DDX23: variants seen among roughly 807,000 people sequenced by gnomAD.
The protein encoded by DDX23 is probable ATP-dependent RNA helicase DDX23.
Under a neutral mutation model 102.7 loss-of-function variants are expected in DDX23, and 33 were observed. The observed-to-expected ratio is 0.32, with a 90% CI of 0.24 to 0.43. The LOEUF (loss-of-function observed/expected upper bound fraction) is 0.43, where lower values mean the gene tolerates loss of function less well. Among genes scored for constraint, DDX23 ranks in the 20% least tolerant of loss-of-function variants. The probability of loss-of-function intolerance (pLI) is 1.00; values close to 1 mark genes in which losing one functional copy is unlikely to be tolerated. For synonymous variants in DDX23, 352 were observed against 376.0 expected (o/e 0.94, Z 0.74); for missense variants, 549 against 1,086.6 (o/e 0.51, Z 6.96).
chr12:48,837,931 G>A lies in DDX23; in HGVS notation c.619+11C>T. 1.2e-6 allele frequency: 2 copies of A among 1,612,344 alleles called. No individual in the cohort carries two copies. The highest frequency in any genetic ancestry group is 1.7e-6 in the Non-Finnish European group (2 of 1,180,004). On this transcript the variant is annotated intron_variant, in intron 6 of 16. Coordinates refer to ENST00000308025, the MANE Select transcript of DDX23 (RefSeq NM_004818.3). ...TTCCATCTAGGGGCTACACAGGGTA[G>A]AATAACAAACCCAACATCTTCCTGC...
rs779038366 is a variant in DDX23 at position 48,845,748 on chromosome 12, T to A, written c.35A>T (p.Asp12Val). 1 of 1,614,208 alleles carries A rather than the reference T, an allele frequency of 6.2e-7. No homozygotes were observed. The highest frequency in any genetic ancestry group is 1.7e-5 in the Admixed American group (1 of 60,024). The change falls in exon 2 of 17, where the codon GAT becomes GTT. Residue 12 changes from aspartate to valine, a missense_variant. By Grantham distance (152) the Asp-to-Val change is radical. Coordinates refer to ENST00000308025, the MANE Select transcript of DDX23 (RefSeq NM_004818.3). Reference protein sequence around the residue: ...AGELADKKDRDASPSKEERKR... With the variant: ...AGELADKKDRVASPSKEERKR... ...CCTTTCCTCCTTGGAAGGTGATGCA[T>A]CACGGTCCTTTTTGTCAGCCAGCTC...
intron 5 of DDX23, 101 bp from the exon 6 acceptor site, chr12:48,838,181 CA>C: frequency 6.5e-7 from 1 of 1,546,382 alleles, no homozygotes; most frequent in Non-Finnish European, 8.8e-7. Flanking sequence ...TTTGCTCAGG[CA>C]TTAAGCCTGT....
In DDX23 at chr12:48,845,663, TG is replaced by T; in HGVS notation, c.119del (p.Pro40HisfsTer135). ...AACGATGCCGCTTTCTATCTTTAGA[TG>T]GGGAAGACTTCCGGTCCCGGTCTCT... ...RDRDRDRKSS[P>X]SKDRKRHRSR... is the part of the protein sequence containing the mutation. On this transcript the variant is annotated frameshift_variant, in exon 2 of 17. Transcript: ENST00000308025. LOFTEE classifies it high-confidence loss of function. 1.2e-6 allele frequency: 2 copies of T among 1,614,236 alleles called. No homozygotes were observed. The highest frequency in any genetic ancestry group is 1.7e-6 in the Non-Finnish European group (2 of 1,180,040).
At chr12:48,831,640 G>A (rs1193446946) in intron 15 of DDX23, among the ~76,000 whole-genome samples, 7 of 152,122 alleles carry the variant, frequency 4.6e-5, no homozygotes, top group Non-Finnish European at 7.4e-5. Flanking sequence ...GGATCAAGAA[G>A]TTTAAGGAAG....
chr12:48,845,599 G>A lies in DDX23; in HGVS notation c.184C>T (p.Arg62Cys), dbSNP rs769587766. Residue 62 changes from arginine (R) to cysteine (C), a missense_variant, in exon 2 of 17, where the codon CGT (arginine) becomes TGT (cysteine). Physicochemically the swap from Arg to Cys is radical, Grantham distance 180. This residue lies in a region of DDX23 where 241 missense variants were observed against 267.0 expected (regional missense o/e 0.90). Coordinates refer to ENST00000308025, the MANE Select transcript of DDX23 (RefSeq NM_004818.3). Reference sequence around the variant, plus strand: ...CTTTCTGCAGATTTGGAACGGGAACGAGAGCGAGAACGGCTGCCTCCTCGA... The same window carrying A: ...CTTTCTGCAGATTTGGAACGGGAACAAGAGCGAGAACGGCTGCCTCCTCGA... ...RRRGGSRSRS[R>C]SRSKSAERER... The A allele has an allele frequency of 3.7e-5, 59 of 1,614,102 alleles. No individual in the cohort carries two copies. Among genetic ancestry groups the A allele is most frequent in the East Asian group, 8.9e-5 (4 of 44,902 alleles).
At chr12:48,848,654 G>A (rs1938708978) in intron 1 of DDX23, among the ~76,000 whole-genome samples, 2 of 152,262 alleles carry the variant, frequency 1.3e-5, no homozygotes, top group Middle Eastern at 3.4e-3. Context: ...GCACAATCAC[G>A]GCACACTGCA....
At chr12:48,845,452 CTG>C in intron 2 of DDX23, 120 bp downstream of exon 2, 1 of 1,138,888 alleles carries the variant, frequency 8.8e-7, no homozygotes, top group Non-Finnish European at 1.3e-6. Context: ...GAGCGAGACT[CTG>C]TCTCAAAAAA....
chr12:48,830,283 C>T lies in DDX23; in HGVS notation c.*186G>A, dbSNP rs1212196116. 4.0e-6 allele frequency: 3 copies of T among 749,168 alleles called. No individual in the cohort carries two copies. The highest frequency in any genetic ancestry group is 2.0e-5 in the Admixed American group (1 of 49,702). 46.4% of individuals were successfully genotyped at this position (749,168 alleles called of 1,614,324 possible). A position where few individuals can be genotyped will look rare whatever the true frequency, so the allele number is the denominator to read the frequency against. ...TTGCTCTCCCTGCCTCCGACAGCGT[C>T]GTCCTCTCCTTTTGCAGCCCCACAC... On this transcript the variant is annotated 3_prime_UTR_variant, in exon 17 of 17. Transcript: ENST00000308025. The surrounding 1 kb of genome is among the most constrained non-coding windows in gnomAD (Gnocchi z 4.9).
In DDX23 at chr12:48,832,143, T is replaced by C. The variant is rs1938398288; in HGVS notation, c.1999A>G (p.Ile667Val). 1.9e-6 allele frequency: 3 copies of C among 1,613,780 alleles called. No homozygotes were observed. Among genetic ancestry groups the C allele is most frequent in the East Asian group, 4.5e-5 (2 of 44,866 alleles). ...TTCTTCTGGTTGACAAAAATAATGA[T>C]GGGTGGGTCAAAGCCTTGCTCCAAG... ...AILEQGFDPP[I>V]IIFVNQKKGC... The change falls in exon 15 of 17, where the codon ATC (isoleucine) becomes GTC (valine). Residue 667 changes from isoleucine to valine, a missense_variant. This residue lies in a region of DDX23 where 270 missense variants were observed against 707.0 expected (regional missense o/e 0.38). Coordinates refer to ENST00000308025, the MANE Select transcript of DDX23 (RefSeq NM_004818.3). This position sits in a 1 kb window ranked among gnomAD's most constrained non-coding sequence, Gnocchi z 4.4.
At chr12:48,839,976 C>A (rs371899561) in intron 4 of DDX23, 37 bp downstream of exon 4, 1 of 1,610,976 alleles carries the variant, frequency 6.2e-7, no homozygotes, top group Middle Eastern at 1.7e-4. Context: ...AAGCAACGCA[C>A]GAGTTGAAGA....
In DDX23 at chr12:48,838,331, G is replaced by A. The variant is rs185121397; in HGVS notation, c.481-251C>T. On this transcript the variant is annotated intron_variant, in intron 5 of 16. Coordinates refer to ENST00000308025, the MANE Select transcript of DDX23 (RefSeq NM_004818.3). ...TTTATGAGACCTAGATGGGAGGACC[G>A]CTTGAGGCCATGAGTTCAAGACCAG... Among the ~76,000 whole-genome samples the A allele has an allele frequency of 6.4e-4, 97 of 152,218 alleles. 2 individuals carry two copies. In the East Asian group the frequency reaches 0.014, roughly 22 times the overall value.
At chr12:48,845,906 G>C in intron 1 of DDX23, 124 bp from the exon 2 acceptor site, 2 of 1,022,784 alleles carry the variant, frequency 2.0e-6, no homozygotes, top group Non-Finnish European at 2.8e-6. Flanking sequence ...CCGTACAGAT[G>C]AGAACGGTGG....
Position 48,830,392 on chromosome 12 carries a change from A to G in DDX23, c.*77T>C. ...ATATCCCAAGAGTGAGGACCTGGAA[A>G]GAGGGATGTGAGGGTTCTGAAAAAC... On this transcript the variant is annotated 3_prime_UTR_variant, in exon 17 of 17. Transcript: ENST00000308025. This position sits in a 1 kb window ranked among gnomAD's most constrained non-coding sequence, Gnocchi z 4.9. The G allele has an allele frequency of 1.3e-6, 2 of 1,507,774 alleles. No individual in the cohort carries two copies. The highest frequency in any genetic ancestry group is 1.8e-6 in the Non-Finnish European group (2 of 1,088,024). 93.4% of individuals were successfully genotyped at this position (1,507,774 alleles called of 1,614,324 possible). A position where few individuals can be genotyped will look rare whatever the true frequency, so the allele number is the denominator to read the frequency against.
intron 3 of DDX23, 171 bp from the exon 4 acceptor site, chr12:48,840,277 C>T (rs1212321799): frequency 2.9e-6 from 2 of 686,338 alleles, no homozygotes; most frequent in East Asian, 2.7e-5. Flanking sequence ...TCTGCCAGCT[C>T]TGAAACCTAA....
In DDX23 at chr12:48,829,991, A is replaced by G; in HGVS notation, c.*478T>C. ...ACTTCCTTTACCATCCAAACAGGAA[A>G]ACAGCTGTCCAGATGACAGTAAGAT... On this transcript the variant is annotated 3_prime_UTR_variant, in exon 17 of 17. Transcript: ENST00000308025. 1 of 358,560 alleles carries G rather than the reference A, an allele frequency of 2.8e-6. No individual in the cohort carries two copies. Among genetic ancestry groups the G allele is most frequent in the South Asian group, 2.1e-5 (1 of 47,728 alleles). 22.2% of individuals were successfully genotyped at this position (358,560 alleles called of 1,614,324 possible). A position where few individuals can be genotyped will look rare whatever the true frequency, so the allele number is the denominator to read the frequency against.
At chr12:48,845,877 G>A in intron 1 of DDX23, 95 bp from the exon 2 acceptor site, 1 of 1,279,036 alleles carries the variant, frequency 7.8e-7, no homozygotes, top group Non-Finnish European at 1.1e-6. Context: ...CCTATGAGGT[G>A]GATATATTAG....
intron 1 of DDX23, among the ~76,000 whole-genome samples, chr12:48,847,976 A>G (rs533253970): frequency 6.6e-6 from 1 of 152,312 alleles, no homozygotes; most frequent in South Asian, 2.1e-4. Context: ...GGTAACGGAG[A>G]CAAAGCAGTA....
Position 48,829,758 on chromosome 12 carries a change from A to G in DDX23, c.*711T>C, listed in dbSNP as rs17123349. On this transcript the variant is annotated 3_prime_UTR_variant, in exon 17 of 17. Coordinates refer to ENST00000308025, the MANE Select transcript of DDX23 (RefSeq NM_004818.3). ...GGAAGTTTAACTAGAACTAGATCTAACAGTCTTAATATTCATGTATTTATT... is the reference window on the plus strand; with the variant it reads ...GGAAGTTTAACTAGAACTAGATCTAGCAGTCTTAATATTCATGTATTTATT... 0.062 allele frequency: 11,222 copies of G among 181,796 alleles called. 494 individuals carry two copies. Among genetic ancestry groups the G allele is most frequent in the Non-Finnish European group, 0.088 (7,464 of 85,060 alleles). The allele number at this position is 181,796 out of a possible 1,614,324, so 11.3% of individuals were successfully genotyped here. A position where few individuals can be genotyped will look rare whatever the true frequency, so the allele number is the denominator to read the frequency against.
chr12:48,844,919 G>A (rs368081458), intron 2 of DDX23, among the ~76,000 whole-genome samples: 11 of 151,714 alleles, frequency 7.3e-5, no homozygotes, highest in African/African-American at 2.4e-4. Context: ...TTGGGAAGCT[G>A]AGGTGGGTGG....
Sources: gnomAD v4.1 joint callset for allele counts (sites outside exome capture counted in the v4.1 genomes callset) on GRCh38, gnomAD v4.1.1 for gene constraint, gnomAD v4.1.1 regional missense constraint, Gnocchi (gnomAD v3.1) non-coding constraint, MANE v1.5 for transcripts, NCBI Gene and HGNC (gene_info 2026-07-23, HGNC 2026-07-21) for gene names.